The following JMJD1C variants were observed in gnomAD, a reference collection of about 807,000 sequenced individuals.
JMJD1C encodes the protein jumonji domain containing 1C, also known as jumonji domain-containing protein 1C.
In JMJD1C, 31 loss-of-function variants were observed where a neutral mutation model predicts 245.3. The observed-to-expected ratio is 0.13, with a 90% CI of 0.09 to 0.17. The LOEUF is 0.17. JMJD1C is among the 10% of genes least tolerant of loss of function. JMJD1C has a pLI of 1.00. For missense variants in JMJD1C, 2,691 were observed against 3,000.2 expected (o/e 0.90, Z 2.41); for synonymous variants, 1,057 against 1,017.4 (o/e 1.04, Z -0.74).
chr10:63,222,870 A>G (rs879207835), intron 3 of JMJD1C: 1 of 1,464,850 alleles, frequency 6.8e-7, no homozygotes, highest in Non-Finnish European at 9.6e-7. Flanking sequence ...AAATATATAA[A>G]AACTGCATTT....
At chr10:63,341,920 T>C (rs1482056428) in intron 2 of JMJD1C, among the ~76,000 whole-genome samples, 1 of 152,218 alleles carries the variant, frequency 6.6e-6, no homozygotes, top group Non-Finnish European at 1.5e-5. Context: ...TTGGACACAG[T>C]TACTAATGAT....
intron 2 of JMJD1C, among the ~76,000 whole-genome samples, chr10:63,306,382 G>A (rs1462563266): frequency 6.6e-6 from 1 of 152,168 alleles, no homozygotes; most frequent in East Asian, 1.9e-4. Context: ...GAGCCACCGT[G>A]CCCAGCCAAC....
intron 1 of JMJD1C, among the ~76,000 whole-genome samples, chr10:63,446,241 T>C (rs1406914994): frequency 6.6e-6 from 1 of 152,006 alleles, no homozygotes; most frequent in East Asian, 1.9e-4. Flanking sequence ...ATATGGGATG[T>C]GAGAGAAAGG....
At chr10:63,292,583 C>T (rs532059799) in intron 2 of JMJD1C, among the ~76,000 whole-genome samples, 1 of 152,022 alleles carries the variant, frequency 6.6e-6, no homozygotes, top group Non-Finnish European at 1.5e-5. Flanking sequence ...TGCACTCCAC[C>T]CTGGATGACA....
chr10:63,465,763 A>G lies in JMJD1C; in HGVS notation c.-101T>C. On this transcript the variant is annotated 5_prime_UTR_variant, in exon 1 of 26. Coordinates refer to ENST00000399262, the MANE Select transcript of JMJD1C (RefSeq NM_032776.3). ...CATGCTGAGGAGAGCGGACCGGGAC[A>G]CAGCAGCGGACCCGAAAGAGCGCAG... 1 of 1,368,538 alleles carries G rather than the reference A, an allele frequency of 7.3e-7. No homozygotes were observed. The highest frequency in any genetic ancestry group is 1.0e-6 in the Non-Finnish European group (1 of 984,004). 84.8% of individuals were successfully genotyped at this position (1,368,538 alleles called of 1,614,324 possible).
At chr10:63,205,201 A>G (rs1846451816) in intron 10 of JMJD1C, among the ~76,000 whole-genome samples, 1 of 152,224 alleles carries the variant, frequency 6.6e-6, no homozygotes, top group Admixed American at 6.5e-5. Flanking sequence ...TAACATCGAA[A>G]TGAATACACA....
intron 2 of JMJD1C, among the ~76,000 whole-genome samples, chr10:63,353,573 TGGCG>T (rs1944542689): frequency 6.6e-6 from 1 of 152,144 alleles, no homozygotes; most frequent in Non-Finnish European, 1.5e-5. Flanking sequence ...TGGAGTGCAG[TGGCG>T]TGATCTCGGC....
chr10:63,457,547 A>C (rs1564940325), intron 1 of JMJD1C, among the ~76,000 whole-genome samples: 1 of 152,186 alleles, frequency 6.6e-6, no homozygotes, highest in South Asian at 2.1e-4. Context: ...ACAGTAAGCA[A>C]AGGACTGAAT....
At chr10:63,194,456 T>C in intron 13 of JMJD1C, 81 bp from the exon 14 acceptor site, 1 of 940,820 alleles carries the variant, frequency 1.1e-6, no homozygotes, top group South Asian at 1.5e-5. Context: ...AACGATTATA[T>C]AAAATGTTTC....
chr10:63,273,323 C>G (rs1462499664), intron 2 of JMJD1C, among the ~76,000 whole-genome samples: 1 of 152,196 alleles, frequency 6.6e-6, no homozygotes, highest in Non-Finnish European at 1.5e-5. Flanking sequence ...TCCTGAGCAG[C>G]TGGGACTACA....
chr10:63,465,383 T>G lies in JMJD1C; in HGVS notation c.168+112A>C. 7 of 1,141,366 alleles carry G rather than the reference T, an allele frequency of 6.1e-6. No homozygotes were observed. The South Asian group carries it at 9.3e-5, about 15-fold the overall frequency. The allele number at this position is 1,141,366 out of a possible 1,614,324, so 70.7% of individuals were successfully genotyped here. A position where few individuals can be genotyped will look rare whatever the true frequency, so the allele number is the denominator to read the frequency against. The stretch of plus-strand genomic sequence containing the variant: ...GCGCCAAGGGTTCAGCAGAGGGGCG[T>G]GACCGCCAGTTGGCCGGGCTGAGCG... On this transcript the variant is annotated intron_variant, in intron 1 of 25. Transcript: ENST00000399262.
At chr10:63,519,746 G>T (rs1380657028) in intron 1 of JMJD1C, among the ~76,000 whole-genome samples, 4 of 152,192 alleles carry the variant, frequency 2.6e-5, no homozygotes, top group Non-Finnish European at 5.9e-5. Context: ...CGAAATCTGG[G>T]CAAAAGCACT....
chr10:63,427,338 CT>C, intron 1 of JMJD1C: 1 of 1,079,306 alleles, frequency 9.3e-7, no homozygotes, highest in Non-Finnish European at 1.3e-6. Context: ...TCCAGAGTTC[CT>C]GGGACCAAGT....
intron 1 of JMJD1C, among the ~76,000 whole-genome samples, chr10:63,458,266 G>GCTTGAGC (rs1357933292): frequency 6.6e-6 from 1 of 152,034 alleles, no homozygotes; most frequent in African/African-American, 2.4e-5. Flanking sequence ...CAGGAGGATT[G>GCTTGAGC]CTTGAGCCCA....
intron 2 of JMJD1C, among the ~76,000 whole-genome samples, chr10:63,328,382 G>A (rs555886098): frequency 6.6e-6 from 1 of 152,244 alleles, no homozygotes; most frequent in East Asian, 1.9e-4. Context: ...CTGGCAATAT[G>A]TTGATAACCT....
At chr10:63,496,817 T>C (rs1365557449) in intron 1 of JMJD1C, among the ~76,000 whole-genome samples, 1 of 152,176 alleles carries the variant, frequency 6.6e-6, no homozygotes. Flanking sequence ...ACCAGAAACG[T>C]GACATATGTC....
chr10:63,513,421 C>T (rs936984092), intron 1 of JMJD1C, among the ~76,000 whole-genome samples: 1 of 152,116 alleles, frequency 6.6e-6, no homozygotes, highest in Non-Finnish European at 1.5e-5. Context: ...ATGACTAAGT[C>T]CTCAAAAGCA....
chr10:63,474,104 T>TA (rs1049266526), intron 1 of JMJD1C, among the ~76,000 whole-genome samples: 13 of 151,014 alleles, frequency 8.6e-5, no homozygotes, highest in East Asian at 3.9e-4. Flanking sequence ...AAAATAATAA[T>TA]AATAAATAAA....
chr10:63,480,825 A>C (rs1372214973), intron 1 of JMJD1C, among the ~76,000 whole-genome samples: 2 of 152,174 alleles, frequency 1.3e-5, no homozygotes, highest in Admixed American at 6.5e-5. Context: ...AGGAAGAAAA[A>C]GTTCCTTTTT....
Sources: gnomAD v4.1 joint callset for allele counts (sites outside exome capture counted in the v4.1 genomes callset) on GRCh38, gnomAD v4.1.1 for gene constraint, MANE v1.5 for transcripts, NCBI Gene and HGNC (gene_info 2026-07-23, HGNC 2026-07-21) for gene names.